WDR70: variants seen among roughly 807,000 people sequenced by gnomAD.
The protein encoded by WDR70 is WD repeat domain 70.
A neutral mutation model predicts 88.6 loss-of-function variants in WDR70; 53 were observed. The observed-to-expected ratio is 0.60, with a 90% CI of 0.48 to 0.75. The LOEUF (loss-of-function observed/expected upper bound fraction) is 0.75, where lower values mean the gene tolerates loss of function less well. WDR70 is among the 30% of genes least tolerant of loss of function. WDR70 has a pLI of 0.00. For synonymous variants in WDR70, 280 were observed against 270.0 expected (o/e 1.04, Z -0.36); for missense variants, 610 against 823.2 (o/e 0.74, Z 3.17).
intron 5 of WDR70, among the ~76,000 whole-genome samples, chr5:37,399,650 G>A (rs1366431178): frequency 6.6e-6 from 1 of 151,808 alleles, no homozygotes; most frequent in Non-Finnish European, 1.5e-5. Context: ...TTTTCTTTTG[G>A]CATCCATAGA....
At chr5:37,519,778 T>C (rs971743636) in intron 9 of WDR70, among the ~76,000 whole-genome samples, 2 of 152,244 alleles carry the variant, frequency 1.3e-5, no homozygotes, top group Admixed American at 6.5e-5. Flanking sequence ...TTCCTTTGTT[T>C]TGGATATATA....
At chr5:37,649,385 G>A (rs975368999) in intron 10 of WDR70, among the ~76,000 whole-genome samples, 6 of 151,052 alleles carry the variant, frequency 4.0e-5, no homozygotes, top group African/African-American at 1.5e-4. Context: ...TTTTCCTGAA[G>A]GTCTGTACAT....
At chr5:37,552,755 C>T (rs1387901588) in intron 9 of WDR70, among the ~76,000 whole-genome samples, 2 of 152,200 alleles carry the variant, frequency 1.3e-5, no homozygotes, top group Admixed American at 6.5e-5. Context: ...TCGTTCGCTA[C>T]ATTTGGCACC....
intron 8 of WDR70, among the ~76,000 whole-genome samples, chr5:37,493,054 A>G (rs1740110271): frequency 6.6e-6 from 1 of 152,218 alleles, no homozygotes; most frequent in Non-Finnish European, 1.5e-5. Flanking sequence ...AACAACAGCT[A>G]TAGATAAAGA....
intron 5 of WDR70, among the ~76,000 whole-genome samples, chr5:37,411,340 T>C (rs774707147): frequency 1.3e-5 from 2 of 152,268 alleles, no homozygotes; most frequent in Non-Finnish European, 2.9e-5. Flanking sequence ...GTATATATTA[T>C]GTGAAACCAC....
intron 9 of WDR70, among the ~76,000 whole-genome samples, chr5:37,539,906 C>A (rs1159705772): frequency 2.0e-5 from 3 of 152,150 alleles, no homozygotes; most frequent in Admixed American, 1.3e-4. Flanking sequence ...TGTCTTTTAG[C>A]GATCACATTA....
intron 10 of WDR70, among the ~76,000 whole-genome samples, chr5:37,649,344 T>G (rs997378481): frequency 2.6e-5 from 4 of 151,718 alleles, no homozygotes; most frequent in East Asian, 3.9e-4. Flanking sequence ...ATGAGTATCA[T>G]TGTGCCTGTT....
At position 37,677,917 on chromosome 5, in the gene WDR70, T is replaced by C. The variant is rs1004845151; in HGVS notation, c.1093-19738T>C. ...CTTGCTTTATGAATCTGGGTGCTCCTGTATTGGGTGCATATATATTTAGGA... is the reference window on the plus strand; with the variant it reads ...CTTGCTTTATGAATCTGGGTGCTCCCGTATTGGGTGCATATATATTTAGGA... On this transcript the variant is annotated intron_variant, in intron 10 of 17. Transcript: ENST00000265107. 1.1e-4 allele frequency among the ~76,000 whole-genome samples: 16 copies of C among 152,246 alleles called. No homozygotes were observed. The East Asian group carries it at 1.7e-3, about 16-fold the overall frequency.
chr5:37,717,693 C>A (rs915561983), intron 13 of WDR70, among the ~76,000 whole-genome samples: 1 of 152,194 alleles, frequency 6.6e-6, no homozygotes, highest in Non-Finnish European at 1.5e-5. Context: ...AAGTTAGCAG[C>A]GTGGCAGCTC....
At chr5:37,604,122 T>A (rs1479539591) in intron 9 of WDR70, among the ~76,000 whole-genome samples, 1 of 152,216 alleles carries the variant, frequency 6.6e-6, no homozygotes, top group African/African-American at 2.4e-5. Context: ...TTTCTTTGTG[T>A]AGATTCAGAT....
intron 13 of WDR70, among the ~76,000 whole-genome samples, chr5:37,714,520 A>G (rs997034464): frequency 7.2e-4 from 53 of 73,682 alleles, no homozygotes; most frequent in Non-Finnish European, 1.7e-3. Flanking sequence ...TTCTCTAGAA[A>G]TGACTAGCCC....
intron 9 of WDR70, among the ~76,000 whole-genome samples, chr5:37,582,750 A>C (rs1743253772): frequency 6.6e-6 from 1 of 152,212 alleles, no homozygotes; most frequent in South Asian, 2.1e-4. Flanking sequence ...TATTGTACCT[A>C]ATGGTGGAGC....
chr5:37,388,367 C>A, intron 3 of WDR70, among the ~76,000 whole-genome samples: 1 of 151,128 alleles, frequency 6.6e-6, no homozygotes. Context: ...CTGCCTGCCG[C>A]AGCCTCCCAA....
chr5:37,621,002 T>C (rs985398934), intron 10 of WDR70, among the ~76,000 whole-genome samples: 1 of 151,880 alleles, frequency 6.6e-6, no homozygotes, highest in Non-Finnish European at 1.5e-5. Flanking sequence ...TGCCTCAGGA[T>C]TTTTGCCTAA....
chr5:37,535,587 C>T (rs1741641227), intron 9 of WDR70, among the ~76,000 whole-genome samples: 1 of 151,912 alleles, frequency 6.6e-6, no homozygotes, highest in Non-Finnish European at 1.5e-5. Flanking sequence ...CTGGAAGTAC[C>T]ATAATATTAT....
intron 9 of WDR70, among the ~76,000 whole-genome samples, chr5:37,586,579 G>T (rs1019785881): frequency 6.6e-6 from 1 of 151,900 alleles, no homozygotes; most frequent in African/African-American, 2.4e-5. Flanking sequence ...CCACCGGCAG[G>T]CCCCAAGTGT....
chr5:37,743,002 T>C (rs979672543), intron 17 of WDR70, among the ~76,000 whole-genome samples: 1 of 152,214 alleles, frequency 6.6e-6, no homozygotes, highest in Non-Finnish European at 1.5e-5. Context: ...CATGAAATAT[T>C]ACGGGCAGGG....
intron 9 of WDR70, among the ~76,000 whole-genome samples, chr5:37,583,153 G>T (rs1176147126): frequency 5.3e-5 from 8 of 152,230 alleles, no homozygotes; most frequent in Admixed American, 5.2e-4. Context: ...GAGGCTGGGT[G>T]TGGTGGCTCA....
chr5:37,461,504 GACAGAGTCTC>G (rs888746055), intron 7 of WDR70, among the ~76,000 whole-genome samples: 5 of 151,726 alleles, frequency 3.3e-5, no homozygotes, highest in African/African-American at 1.2e-4. Flanking sequence ...AACAGAGTGA[GACAGAGTCTC>G]ACTCTGTTGC....
Sources: gnomAD v4.1 joint callset for allele counts (sites outside exome capture counted in the v4.1 genomes callset) on GRCh38, gnomAD v4.1.1 for gene constraint, MANE v1.5 for transcripts, NCBI Gene and HGNC (gene_info 2026-07-23, HGNC 2026-07-21) for gene names.